The following COL22A1 variants were observed in gnomAD, a reference collection of about 807,000 sequenced individuals.
COL22A1 encodes the protein collagen alpha-1(XXII) chain.
In COL22A1, 221 loss-of-function variants were observed where a neutral mutation model predicts 248.9. That is an observed-to-expected ratio of 0.89 (90% CI 0.80 to 0.99). The LOEUF is 0.99. COL22A1 is among the 50% of genes least tolerant of loss of function. The pLI, the probability that COL22A1 is intolerant of heterozygous loss-of-function variation, is 0.00. For synonymous variants in COL22A1, 891 were observed against 793.4 expected (o/e 1.12, Z -2.07); for missense variants, 2,240 against 2,179.0 (o/e 1.03, Z -0.56).
intron 47 of COL22A1, among the ~76,000 whole-genome samples, chr8:138,645,456 C>A (rs763425305): frequency 1.3e-5 from 2 of 152,146 alleles, no homozygotes; most frequent in Non-Finnish European, 2.9e-5. Flanking sequence ...ATAAATTACT[C>A]GATGTTGCAT....
At chr8:138,841,335 G>A (rs538988622) in intron 4 of COL22A1, among the ~76,000 whole-genome samples, 99 of 152,256 alleles carry the variant, frequency 6.5e-4, no homozygotes, top group Non-Finnish European at 1.1e-3. Context: ...AGACAGGGAC[G>A]CAAATCATTA....
chr8:138,801,143 G>C (rs955089462), intron 11 of COL22A1, among the ~76,000 whole-genome samples: 3 of 152,150 alleles, frequency 2.0e-5, no homozygotes, highest in African/African-American at 7.2e-5. Context: ...ACACAAAGGA[G>C]GTAGATATGC....
At chr8:138,778,266 G>C in intron 15 of COL22A1, 87 bp downstream of exon 15, 1 of 1,429,116 alleles carries the variant, frequency 7.0e-7, no homozygotes, top group Non-Finnish European at 9.9e-7. Flanking sequence ...TTACTGTCTA[G>C]ATGCAGGTGG....
In COL22A1 at chr8:138,737,515, G is replaced by A; in HGVS notation, c.2139+9C>T. On this transcript the variant is annotated intron_variant, in intron 23 of 64. Coordinates refer to ENST00000303045, the MANE Select transcript of COL22A1 (RefSeq NM_152888.3). ...CGTTGCTATGGAAGAGAATGTAAAA[G>A]GTAGTTACCTGCAGCCCCAGCAATC... The A allele has an allele frequency of 1.3e-6, 2 of 1,594,002 alleles. No homozygotes were observed. Among genetic ancestry groups the A allele is most frequent in the Non-Finnish European group, 1.7e-6 (2 of 1,161,920 alleles).
rs1044998419 is a variant in COL22A1 at position 138,714,605 on chromosome 8, C to T, written c.2517+1077G>A. 3.3e-4 allele frequency among the ~76,000 whole-genome samples: 50 copies of T among 152,280 alleles called. 1 individual carries two copies. Among genetic ancestry groups the T allele is most frequent in the Admixed American group, 2.0e-3 (30 of 15,290 alleles). Reference sequence around the variant, plus strand: ...AGTCCTGGAGGGTATGGCCACATCCCATCGGCTTCCCTAAGCACTGTCCAC... The same window carrying T: ...AGTCCTGGAGGGTATGGCCACATCCTATCGGCTTCCCTAAGCACTGTCCAC... On this transcript the variant is annotated intron_variant, in intron 30 of 64. Transcript: ENST00000303045.
rs1820520919 is a variant in COL22A1, at chr8:138,837,418, C to T, written c.734-4268G>A. Among the ~76,000 whole-genome samples the T allele has an allele frequency of 3.3e-5, 5 of 152,196 alleles. 1 individual carries two copies. In the South Asian group the frequency reaches 1.0e-3, roughly 32 times the overall value. The stretch of plus-strand genomic sequence containing the variant: ...ATGCATGCTGGGAGCACTCCCTGTC[C>T]CTCATCTCTCCCCTGCACTGCTGTT... On this transcript the variant is annotated intron_variant, in intron 4 of 64. Transcript: ENST00000303045.
At chr8:138,646,027 A>G (rs1822175871) in intron 47 of COL22A1, among the ~76,000 whole-genome samples, 1 of 152,172 alleles carries the variant, frequency 6.6e-6, no homozygotes, top group South Asian at 2.1e-4. Flanking sequence ...AACAGCTCAA[A>G]CAGCCCCAGC....
intron 42 of COL22A1, among the ~76,000 whole-genome samples, chr8:138,663,036 A>ACACACACACACACACACACACAC (rs1554737820): frequency 3.3e-4 from 50 of 151,940 alleles, no homozygotes; most frequent in South Asian, 6.3e-4. Flanking sequence ...ACACACACAC[A>ACACACACACACACACACACACAC]AAGCAATCCC....
At chr8:138,753,329 C>T (rs1190547655) in intron 21 of COL22A1, among the ~76,000 whole-genome samples, 2 of 152,186 alleles carry the variant, frequency 1.3e-5, no homozygotes, top group African/African-American at 4.8e-5. Context: ...AGTCTTGGGC[C>T]TCTCATTACT....
intron 4 of COL22A1, among the ~76,000 whole-genome samples, chr8:138,834,217 C>T (rs960425035): frequency 6.6e-6 from 1 of 152,028 alleles, no homozygotes; most frequent in Admixed American, 6.6e-5. Flanking sequence ...AAGGCAGGCA[C>T]CAGGCTGAAC....
chr8:138,825,583 C>T (rs1358005258), intron 6 of COL22A1: 1 of 152,220 alleles, frequency 6.6e-6, no homozygotes, highest in Non-Finnish European at 1.5e-5. Flanking sequence ...CCAGCTCCTA[C>T]TAAGAGTATG....
intron 6 of COL22A1, among the ~76,000 whole-genome samples, chr8:138,824,958 CAGA>C (rs1195304363): frequency 6.6e-6 from 1 of 152,308 alleles, no homozygotes; most frequent in East Asian, 1.9e-4. Context: ...CTCATTTTGA[CAGA>C]AGGAGGGGAA....
At position 138,598,784 on chromosome 8, in the gene COL22A1, G is replaced by A; in HGVS notation, c.4300C>T (p.Pro1434Ser). ...HTGLMGPQGLPGENGPVGPPG... is the reference protein window; with the variant it reads ...HTGLMGPQGLSGENGPVGPPG... ...GGTCCAACTGGTCCATTCTCCCCAG[G>A]TAGTCCTTGGGGACCCATCAGGCCT... is the stretch of plus-strand genomic sequence containing the variant. Residue 1434 changes from proline to serine, a missense_variant, in exon 61 of 65, where the codon CCT becomes TCT. Transcript: ENST00000303045. The A allele has an allele frequency of 6.2e-7, 1 of 1,614,140 alleles. No individual in the cohort carries two copies. The highest frequency in any genetic ancestry group is 8.5e-7 in the Non-Finnish European group (1 of 1,180,018).
intron 56 of COL22A1, among the ~76,000 whole-genome samples, chr8:138,608,875 C>T (rs904026132): frequency 8.5e-5 from 13 of 152,198 alleles, no homozygotes; most frequent in East Asian, 3.9e-4. Flanking sequence ...GCAGAGTCTA[C>T]GCCTTGTCGT....
chr8:138,779,586 G>A (rs766883682), intron 13 of COL22A1, 24 bp from the exon 14 acceptor site: 10 of 1,576,688 alleles, frequency 6.3e-6, no homozygotes, highest in African/African-American at 1.3e-5. Context: ...ACAACACAAA[G>A]TCATAGGCAG....
At chr8:138,654,336 G>A (rs72727853) in intron 45 of COL22A1, among the ~76,000 whole-genome samples, 4,176 of 152,146 alleles carry the variant, frequency 0.027, 187 homozygotes, top group East Asian at 0.17. Flanking sequence ...AATAACTACC[G>A]CACTTGTCAA....
intron 3 of COL22A1, among the ~76,000 whole-genome samples, chr8:138,855,419 G>T (rs548630548): frequency 1.3e-5 from 2 of 152,330 alleles, no homozygotes; most frequent in East Asian, 3.9e-4. Flanking sequence ...GGCTCCAGGG[G>T]CCCTGCATGC....
At chr8:138,845,319 G>C (rs1443325134) in intron 3 of COL22A1, among the ~76,000 whole-genome samples, 1 of 152,022 alleles carries the variant, frequency 6.6e-6, no homozygotes, top group African/African-American at 2.4e-5. Context: ...GACCAGCCTG[G>C]CCAACATGGT....
At chr8:138,707,748 C>T (rs1316788178) in intron 30 of COL22A1, among the ~76,000 whole-genome samples, 1 of 152,222 alleles carries the variant, frequency 6.6e-6, no homozygotes, top group African/African-American at 2.4e-5. Flanking sequence ...CCCTCTCTCA[C>T]CACTCCTATT....
Sources: allele counts gnomAD v4.1 joint callset (sites outside exome capture counted in the v4.1 genomes callset), GRCh38; gene constraint gnomAD v4.1.1; transcripts MANE v1.5; gene names NCBI Gene and HGNC (gene_info 2026-07-23, HGNC 2026-07-21).